RPS6KB1: variants seen among roughly 807,000 people sequenced by gnomAD.
RPS6KB1 encodes ribosomal protein S6 kinase beta-1.
In RPS6KB1, 12 loss-of-function variants were observed where a neutral mutation model predicts 70.2. The ratio of observed to expected loss-of-function variants is 0.17; its 90% CI spans 0.11 to 0.28. The LOEUF (loss-of-function observed/expected upper bound fraction) is 0.28. Among genes scored for constraint, RPS6KB1 ranks in the 10% least tolerant of loss-of-function variants. RPS6KB1 has a pLI of 1.00. For synonymous variants in RPS6KB1, 175 were observed against 211.2 expected, an observed-to-expected ratio of 0.83 and a Z score of 1.49; for missense variants, 270 against 646.6, an observed-to-expected ratio of 0.42 and a Z score of 6.32.
intron 1 of RPS6KB1, among the ~76,000 whole-genome samples, chr17:59,909,735 C>T (rs1231841115): frequency 3.3e-5 from 5 of 151,704 alleles, no homozygotes; most frequent in African/African-American, 4.8e-5. Context: ...AAATTAGGGC[C>T]GGGAGTGTTG....
At chr17:59,897,027 A>G (rs571409787) in intron 1 of RPS6KB1, among the ~76,000 whole-genome samples, 1 of 152,296 alleles carries the variant, frequency 6.6e-6, no homozygotes, top group South Asian at 2.1e-4. Flanking sequence ...AAAGTTTTTA[A>G]ACATTGGTGC....
rs760122046 is a variant in RPS6KB1 at position 59,934,390 on chromosome 17, T to C, written c.780-44T>C. On this transcript the variant is annotated intron_variant, in intron 8 of 14. Coordinates refer to ENST00000225577, the MANE Select transcript of RPS6KB1 (RefSeq NM_003161.4). This position sits in a 1 kb window ranked among gnomAD's most constrained non-coding sequence, Gnocchi z 4.8. Reference sequence around the variant, plus strand: ...TTTTAAAATTCTAATTCAGATGATATGCAAATGGGTGAATTTTTAAGCATA... The same window carrying C: ...TTTTAAAATTCTAATTCAGATGATACGCAAATGGGTGAATTTTTAAGCATA... 3.2e-6 allele frequency: 5 copies of C among 1,553,766 alleles called. No individual in the cohort carries two copies. The African/African-American group carries it at 4.1e-5, about 13-fold the overall frequency.
At chr17:59,930,813 A>C (rs1221906609) in intron 6 of RPS6KB1, 2 of 152,180 alleles carry the variant, frequency 1.3e-5, no homozygotes, top group Non-Finnish European at 2.9e-5. Flanking sequence ...TTTTCTAACA[A>C]AGAAGCTGCA....
At chr17:59,909,451 A>G (rs1204385386) in intron 1 of RPS6KB1, among the ~76,000 whole-genome samples, 2 of 149,606 alleles carry the variant, frequency 1.3e-5, no homozygotes, top group Admixed American at 6.7e-5. Flanking sequence ...TATTTTTATT[A>G]GAGACTGGAT....
intron 1 of RPS6KB1, among the ~76,000 whole-genome samples, chr17:59,907,633 C>T (rs546392723): frequency 6.6e-6 from 1 of 151,366 alleles, no homozygotes; most frequent in Non-Finnish European, 1.5e-5. Flanking sequence ...TGACCTCCTG[C>T]ACTCAAGTGA....
chr17:59,929,134 GT>G (rs768166469), intron 5 of RPS6KB1, among the ~76,000 whole-genome samples: 114 of 140,256 alleles, frequency 8.1e-4, no homozygotes, highest in Admixed American at 8.6e-4. Flanking sequence ...CAGTTTTGTT[GT>G]TTTTTTTTTT....
intron 4 of RPS6KB1, among the ~76,000 whole-genome samples, chr17:59,917,086 G>A (rs987857429): frequency 6.6e-6 from 1 of 151,990 alleles, no homozygotes; most frequent in African/African-American, 2.4e-5. Flanking sequence ...AGTTTTTATA[G>A]TGATGTGTGT....
In RPS6KB1 at chr17:59,893,884, C is replaced by T. The variant is rs778044204; in HGVS notation, c.141+559C>T. Reference sequence around the variant, plus strand: ...GTTACAGCCACCAGGAGTTTTATTTCGGGAGCAAGGGGGCTCTGCTGCATC... The same window carrying T: ...GTTACAGCCACCAGGAGTTTTATTTTGGGAGCAAGGGGGCTCTGCTGCATC... On this transcript the variant is annotated intron_variant, in intron 1 of 14. Transcript: ENST00000225577. The surrounding 1 kb of genome is among the most constrained non-coding windows in gnomAD (Gnocchi z 4.1). 9.1e-6 allele frequency: 9 copies of T among 984,570 alleles called. No homozygotes were observed. Among genetic ancestry groups the T allele is most frequent in the Non-Finnish European group, 1.1e-5 (9 of 829,864 alleles). 61.0% of individuals were successfully genotyped at this position (984,570 alleles called of 1,614,324 possible).
At chr17:59,926,292 T>A (rs186812699) in intron 4 of RPS6KB1, 143 bp from the exon 5 acceptor site, 6 of 644,832 alleles carry the variant, frequency 9.3e-6, no homozygotes, top group Non-Finnish European at 1.6e-5. Context: ...TGTTTTCCAT[T>A]ACCCCATCTC....
chr17:59,930,496 A>G lies in RPS6KB1; in HGVS notation c.587+322A>G, dbSNP rs150262115. On this transcript the variant is annotated intron_variant, in intron 6 of 14. Transcript: ENST00000225577. ...CCAGTGAACCTTTATGTGTGGAACA[A>G]TGGAAATTATCAGAAATCATCCCTT... The G allele has an allele frequency of 1.3e-4, 31 of 240,108 alleles. No individual in the cohort carries two copies. The East Asian group carries it at 1.4e-3, about 11-fold the overall frequency. The allele number at this position is 240,108 out of a possible 1,614,324, so 14.9% of individuals were successfully genotyped here.
chr17:59,940,983 G>C, intron 13 of RPS6KB1, 40 bp downstream of exon 13: 2 of 1,270,352 alleles, frequency 1.6e-6, no homozygotes, highest in South Asian at 1.2e-5. Flanking sequence ...GGAAATTTTA[G>C]TGTGAGGATG....
At chr17:59,924,811 T>TTTTATTTATTTA (rs200181363) in intron 4 of RPS6KB1, among the ~76,000 whole-genome samples, 2 of 148,608 alleles carry the variant, frequency 1.3e-5, no homozygotes, top group Admixed American at 1.3e-4. Flanking sequence ...CTTATTTTTA[T>TTTTATTTATTTA]TTTATTTATT....
At chr17:59,919,285 G>A (rs570326861) in intron 4 of RPS6KB1, among the ~76,000 whole-genome samples, 13 of 152,212 alleles carry the variant, frequency 8.5e-5, no homozygotes, top group African/African-American at 3.1e-4. Flanking sequence ...AGCACTTTCG[G>A]AGGCTGAGGC....
chr17:59,904,068 GTATT>G (rs34220591), intron 1 of RPS6KB1, among the ~76,000 whole-genome samples: 10 of 149,296 alleles, frequency 6.7e-5, no homozygotes, highest in African/African-American at 1.2e-4. Context: ...TTGAGTTGGA[GTATT>G]TATTTATTTA....
chr17:59,924,158 A>G (rs530058110), intron 4 of RPS6KB1, among the ~76,000 whole-genome samples: 9 of 152,146 alleles, frequency 5.9e-5, no homozygotes, highest in African/African-American at 1.7e-4. Flanking sequence ...GTGAAACCCC[A>G]TCTCTACTAA....
At position 59,935,213 on chromosome 17, in the gene RPS6KB1, T is replaced by C. The variant is rs545965883; in HGVS notation, c.891T>C (p.Asn297=). 4 of 1,611,100 alleles carry C rather than the reference T, an allele frequency of 2.5e-6. No individual in the cohort carries two copies. Among genetic ancestry groups the C allele is most frequent in the Admixed American group, 3.3e-5 (2 of 59,928 alleles). ...CTTAGCCCCCATTCACTGGGGAGAA[T>C]AGAAAGAAAACAATTGACAAAATCC... ...LTGAPPFTGE[N]RKKTIDKILK... Residue 297 remains asparagine (N), a synonymous_variant, in exon 10 of 15, where the codon AAT becomes AAC. Transcript: ENST00000225577.
At position 59,938,727 on chromosome 17, in the gene RPS6KB1, G is replaced by A. The variant is rs1359835135; in HGVS notation, c.1120-2109G>A. Among the ~76,000 whole-genome samples the A allele has an allele frequency of 1.3e-4, 19 of 150,828 alleles. No homozygotes were observed. In the South Asian group the frequency reaches 4.0e-3, roughly 32 times the overall value. On this transcript the variant is annotated intron_variant, in intron 12 of 14. Transcript: ENST00000225577. The stretch of plus-strand genomic sequence containing the variant: ...TGTGTGTGTGTGTGTGTGTGTGTGT[G>A]TGTGTGTGTGTGTGTGTTTAAGTGA...
chr17:59,904,354 C>G (rs2144719143), intron 1 of RPS6KB1, among the ~76,000 whole-genome samples: 1 of 151,402 alleles, frequency 6.6e-6, no homozygotes, highest in South Asian at 2.1e-4. Flanking sequence ...GTTGGGATTT[C>G]AGGCGTGAGC....
At position 59,914,631 on chromosome 17, in the gene RPS6KB1, C is replaced by T; in HGVS notation, c.313-4C>T. The T allele has an allele frequency of 6.2e-7, 1 of 1,609,726 alleles. No homozygotes were observed. Among genetic ancestry groups the T allele is most frequent in the Non-Finnish European group, 8.5e-7 (1 of 1,177,942 alleles). On this transcript the variant is annotated splice_region_variant and splice_polypyrimidine_tract_variant and intron_variant, in intron 3 of 14. Transcript: ENST00000225577. Reference sequence around the variant, plus strand: ...TGAATAACACACACTTTTTTTTAATCCAGGTTTTTCAAGTACGAAAAGTAA... The same window carrying T: ...TGAATAACACACACTTTTTTTTAATTCAGGTTTTTCAAGTACGAAAAGTAA...
Sources: allele counts gnomAD v4.1 joint callset (sites outside exome capture counted in the v4.1 genomes callset), GRCh38; gene constraint gnomAD v4.1.1; non-coding constraint Gnocchi (gnomAD v3.1); transcripts MANE v1.5; gene names NCBI Gene and HGNC (gene_info 2026-07-23, HGNC 2026-07-21).